The following LTBP1 variants were observed in gnomAD, a reference collection of about 807,000 sequenced individuals.
The protein encoded by LTBP1 is latent transforming growth factor beta binding protein 1.
A neutral mutation model predicts 207.6 loss-of-function variants in LTBP1; 129 were observed. The observed-to-expected ratio is 0.62, with a 90% CI of 0.54 to 0.72. The LOEUF (loss-of-function observed/expected upper bound fraction) is 0.72, where lower values mean the gene tolerates loss of function less well. Among genes scored for constraint, LTBP1 ranks in the 30% least tolerant of loss-of-function variants. The pLI is 0.00. For synonymous variants in LTBP1, 963 were observed against 833.7 expected (o/e 1.16, Z -2.67); for missense variants, 2,281 against 2,217.2 (o/e 1.03, Z -0.58).
rs137926157 is a variant in LTBP1, at chr2:33,158,009, G to A, written c.1201+23049G>A. Among the ~76,000 whole-genome samples, 462 of 152,154 alleles carry A rather than the reference G, an allele frequency of 3.0e-3. 2 individuals are homozygous for A. Among genetic ancestry groups the A allele is most frequent in the African/African-American group, 7.0e-3 (292 of 41,506 alleles). On this transcript the variant is annotated intron_variant, in intron 5 of 33. Transcript: ENST00000404816. The stretch of plus-strand genomic sequence containing the variant: ...AAATTAGCCAGCCGTGGTGGCATGT[G>A]CCTATAATCCCAGCTACTTGGGAGG...
intron 5 of LTBP1, among the ~76,000 whole-genome samples, chr2:33,184,964 C>G (rs1573039177): frequency 6.6e-6 from 1 of 151,908 alleles, no homozygotes; most frequent in Non-Finnish European, 1.5e-5. Context: ...TTTGTGGCAG[C>G]AAGAAGGTAA....
At chr2:33,305,562 G>A (rs1262214740) in intron 22 of LTBP1, among the ~76,000 whole-genome samples, 1 of 152,072 alleles carries the variant, frequency 6.6e-6, no homozygotes, top group African/African-American at 2.4e-5. Flanking sequence ...AGACCTGAGG[G>A]GCACCACGTC....
intron 24 of LTBP1, among the ~76,000 whole-genome samples, chr2:33,337,158 C>T (rs1260703827): frequency 1.3e-5 from 2 of 152,110 alleles, no homozygotes; most frequent in African/African-American, 4.8e-5. Context: ...GGCCTTACAC[C>T]TTTATTTGAG....
chr2:33,221,127 TAGA>T (rs2091073078), intron 8 of LTBP1, among the ~76,000 whole-genome samples: 1 of 152,218 alleles, frequency 6.6e-6, no homozygotes, highest in African/African-American at 2.4e-5. Flanking sequence ...AGCCTCTTAA[TAGA>T]AGAATTCCTT....
chr2:33,017,559 A>G (rs998299574), intron 2 of LTBP1, among the ~76,000 whole-genome samples: 1 of 152,194 alleles, frequency 6.6e-6, no homozygotes, highest in Non-Finnish European at 1.5e-5. Context: ...CATGGGCCCA[A>G]ATATTGTAGG....
intron 19 of LTBP1, among the ~76,000 whole-genome samples, chr2:33,285,033 T>G (rs1293346353): frequency 6.8e-6 from 1 of 147,776 alleles, no homozygotes; most frequent in Non-Finnish European, 1.5e-5. Flanking sequence ...ATGTATCACA[T>G]TCTTTTTTTT....
Position 33,188,676 on chromosome 2 carries a change from A to G in LTBP1, c.1526A>G (p.Gln509Arg), listed in dbSNP as rs1403522704. ...QVSRIDGPTG[Q>R]KTKEAQPGQS... ...TCAAGAATTGATGGCCCAACAGGCC[A>G]GAAGACAAAAGAAGCTCAACCAGGC... is the stretch of plus-strand genomic sequence containing the variant. The change falls in exon 7 of 34, where the codon CAG (glutamine) becomes CGG (arginine). Residue 509 changes from glutamine (Q) to arginine (R), a missense_variant. Coordinates refer to ENST00000404816, the MANE Select transcript of LTBP1 (RefSeq NM_206943.4). The G allele has an allele frequency of 5.0e-6, 8 of 1,614,180 alleles. No homozygotes were observed. The highest frequency in any genetic ancestry group is 6.8e-6 in the Non-Finnish European group (8 of 1,180,036).
At chr2:33,317,499 T>TTA (rs1319257585) in intron 24 of LTBP1, among the ~76,000 whole-genome samples, 1 of 152,236 alleles carries the variant, frequency 6.6e-6, no homozygotes, top group Admixed American at 6.5e-5. Context: ...AGTCTGACAC[T>TTA]TATGGCAGTA....
At chr2:33,216,107 A>T (rs745843328) in intron 7 of LTBP1, among the ~76,000 whole-genome samples, 9 of 152,182 alleles carry the variant, frequency 5.9e-5, no homozygotes, top group Admixed American at 2.0e-4. Flanking sequence ...TTCTTCATGC[A>T]GCGTTTCCTG....
In LTBP1 at chr2:33,129,044, C is replaced by G. The variant is rs549082613; in HGVS notation, c.1034-5749C>G. Among the ~76,000 whole-genome samples, 24 of 152,172 alleles carry G rather than the reference C, an allele frequency of 1.6e-4. No homozygotes were observed. In the South Asian group the frequency reaches 5.0e-3, roughly 32 times the overall value. On this transcript the variant is annotated intron_variant, in intron 4 of 33. Transcript: ENST00000404816. ...TTTAAAAGTCATTTTGAAAGAGACA[C>G]CTGGAACAGCCTGGAACAGAGACAC...
rs1244261666 is a variant in LTBP1 at position 33,188,658 on chromosome 2, T to C, written c.1508T>C (p.Ile503Thr). ...GTCCAGATACATCAGGTTTCAAGAATTGATGGCCCAACAGGCCAGAAGACA... is the reference window on the plus strand; with the variant it reads ...GTCCAGATACATCAGGTTTCAAGAACTGATGGCCCAACAGGCCAGAAGACA... ...ASVQIHQVSR[I>T]DGPTGQKTKE... The change falls in exon 7 of 34, where the codon ATT becomes ACT. Residue 503 changes from isoleucine (I) to threonine (T), a missense_variant. Physicochemically the swap from Ile to Thr is moderately conservative, Grantham distance 89 (BLOSUM62 -1). Around this residue, in one of 3 missense-constraint regions of LTBP1, gnomAD observed 1,671 missense variants for 1,634.8 expected, o/e 1.02. Transcript: ENST00000404816. 6.2e-7 allele frequency: 1 copy of C among 1,613,970 alleles called. No homozygotes were observed. The highest frequency in any genetic ancestry group is 2.2e-5 in the East Asian group (1 of 44,876).
intron 2 of LTBP1, among the ~76,000 whole-genome samples, chr2:32,956,781 A>G (rs1205825629): frequency 6.6e-6 from 1 of 151,608 alleles, no homozygotes; most frequent in Admixed American, 6.6e-5. Context: ...TATGACAGCT[A>G]TAGCCTTATG....
At chr2:33,137,427 G>A (rs2082231859) in intron 5 of LTBP1, among the ~76,000 whole-genome samples, 1 of 152,168 alleles carries the variant, frequency 6.6e-6, no homozygotes, top group Non-Finnish European at 1.5e-5. Context: ...GGGCCAGATA[G>A]TATAAAATAT....
intron 5 of LTBP1, among the ~76,000 whole-genome samples, chr2:33,182,733 CACAG>C (rs746366414): frequency 4.4e-5 from 4 of 90,850 alleles, no homozygotes; most frequent in South Asian, 3.0e-4. Flanking sequence ...CACACACACA[CACAG>C]ACATATATAT....
chr2:33,116,690 TA>T (rs992351478), intron 4 of LTBP1, among the ~76,000 whole-genome samples: 1 of 147,884 alleles, frequency 6.8e-6, no homozygotes, highest in Non-Finnish European at 1.5e-5. Context: ...CTCAGGCTCT[TA>T]AAAAAATTGT....
At chr2:33,377,099 A>C (rs2095150224) in intron 31 of LTBP1, among the ~76,000 whole-genome samples, 1 of 152,198 alleles carries the variant, frequency 6.6e-6, no homozygotes. Context: ...AGAATAGTTA[A>C]AATAAAATTT....
chr2:33,172,330 C>G (rs896491700), intron 5 of LTBP1, among the ~76,000 whole-genome samples: 190 of 151,546 alleles, frequency 1.3e-3, no homozygotes, highest in Middle Eastern at 3.4e-3. Flanking sequence ...AAATGGAAAA[C>G]AAAAAAAGGC....
intron 18 of LTBP1, among the ~76,000 whole-genome samples, chr2:33,277,891 G>A (rs1314979733): frequency 2.1e-5 from 3 of 142,348 alleles, no homozygotes; most frequent in Non-Finnish European, 4.5e-5. Flanking sequence ...GTGCAGTGGT[G>A]CGATCTCAGC....
At chr2:33,148,376 G>A (rs1340923850) in intron 5 of LTBP1, among the ~76,000 whole-genome samples, 2 of 152,150 alleles carry the variant, frequency 1.3e-5, no homozygotes, top group Admixed American at 6.5e-5. Flanking sequence ...GATAACATAC[G>A]TTCTCTATGC....
Sources: gnomAD v4.1 joint callset for allele counts (sites outside exome capture counted in the v4.1 genomes callset) on GRCh38, gnomAD v4.1.1 for gene constraint, gnomAD v4.1.1 regional missense constraint, MANE v1.5 for transcripts, NCBI Gene and HGNC (gene_info 2026-07-23, HGNC 2026-07-21) for gene names.